The following SUGCT variants were observed in gnomAD, a reference collection of about 807,000 sequenced individuals.
SUGCT encodes the protein succinyl-CoA:glutarate CoA-transferase.
A neutral mutation model predicts 55.0 loss-of-function variants in SUGCT; 41 were observed. The observed-to-expected ratio is 0.74, with a 90% CI of 0.58 to 0.97. The LOEUF is 0.97. SUGCT is among the 50% of genes least tolerant of loss of function. The pLI is 0.00. For missense variants in SUGCT, 568 were observed against 547.8 expected, an observed-to-expected ratio of 1.04 and a Z score of -0.37; for synonymous variants, 187 against 200.4, an observed-to-expected ratio of 0.93 and a Z score of 0.56.
intron 11 of SUGCT, among the ~76,000 whole-genome samples, chr7:40,460,647 T>C (rs1395111802): frequency 6.6e-6 from 1 of 152,176 alleles, no homozygotes; most frequent in Non-Finnish European, 1.5e-5. Flanking sequence ...TAGATTGGTT[T>C]CCTGTGTTTT....
At chr7:40,584,498 G>A (rs1246139894) in intron 12 of SUGCT, among the ~76,000 whole-genome samples, 1 of 152,176 alleles carries the variant, frequency 6.6e-6, no homozygotes, top group Non-Finnish European at 1.5e-5. Flanking sequence ...ACTCCAAGGA[G>A]CAGTGTTTTA....
chr7:40,958,333 C>T, the SUGCT span, among the ~76,000 whole-genome samples: 5 of 152,084 alleles, frequency 3.3e-5, no homozygotes, highest in South Asian at 6.2e-4. Context: ...CACATAGTCC[C>T]GTATTTTTTG....
intron 1 of SUGCT, among the ~76,000 whole-genome samples, chr7:40,146,419 T>G (rs1200581697): frequency 6.6e-6 from 1 of 151,762 alleles, no homozygotes; most frequent in Non-Finnish European, 1.5e-5. Flanking sequence ...AAATATAGAG[T>G]GTGGAGTGGG....
chr7:40,366,575 A>T (rs1478021317), intron 9 of SUGCT, among the ~76,000 whole-genome samples: 5 of 152,178 alleles, frequency 3.3e-5, no homozygotes, highest in African/African-American at 9.7e-5. Flanking sequence ...CAAGAAAAAA[A>T]CAAACAATCC....
intron 9 of SUGCT, among the ~76,000 whole-genome samples, chr7:40,448,944 GTGTGTGTATA>G (rs1789021856): frequency 2.0e-5 from 3 of 148,202 alleles, no homozygotes; most frequent in African/African-American, 5.2e-5. Flanking sequence ...GTGTGTGTGT[GTGTGTGTATA>G]TATATATAGA....
chr7:40,838,631 T>TTTTGTTTG (rs142324369), intron 13 of SUGCT, among the ~76,000 whole-genome samples: 37,905 of 151,770 alleles, frequency 0.25, 5,625 homozygotes, highest in East Asian at 0.79. Flanking sequence ...ACATCTAGCG[T>TTTTGTTTG]TTTGTTTGTT....
chr7:40,368,159 C>T (rs1369808418), intron 9 of SUGCT, among the ~76,000 whole-genome samples: 1 of 152,116 alleles, frequency 6.6e-6, no homozygotes, highest in Non-Finnish European at 1.5e-5. Flanking sequence ...TCAGATCTCA[C>T]ATTATAACAT....
chr7:41,001,414 A>G, the SUGCT span, among the ~76,000 whole-genome samples: 1 of 152,316 alleles, frequency 6.6e-6, no homozygotes, highest in East Asian at 1.9e-4. Flanking sequence ...TCTTGTTGGA[A>G]TGAGTTGTGG....
chr7:40,938,290 G>T, the SUGCT span, among the ~76,000 whole-genome samples: 1 of 151,862 alleles, frequency 6.6e-6, no homozygotes, highest in Non-Finnish European at 1.5e-5. Context: ...TTTATATCAT[G>T]TATCTTTTGG....
chr7:40,691,204 A>G (rs140785022), intron 12 of SUGCT, among the ~76,000 whole-genome samples: 1 of 152,250 alleles, frequency 6.6e-6, no homozygotes, highest in Non-Finnish European at 1.5e-5. Context: ...AGATGCAAGA[A>G]ATGGTTTTTG....
chr7:40,572,869 A>C (rs17171738), intron 12 of SUGCT, among the ~76,000 whole-genome samples: 1 of 152,112 alleles, frequency 6.6e-6, no homozygotes. Flanking sequence ...CCATTGTGGC[A>C]TCAAACTTCT....
At chr7:41,008,326 G>C in the SUGCT span, among the ~76,000 whole-genome samples, 1 of 152,168 alleles carries the variant, frequency 6.6e-6, no homozygotes, top group Non-Finnish European at 1.5e-5. Flanking sequence ...ATCAGCCCTG[G>C]GAGGGCATCT....
intron 6 of SUGCT, among the ~76,000 whole-genome samples, chr7:40,213,312 G>C (rs562458614): frequency 1.2e-4 from 18 of 151,936 alleles, no homozygotes; most frequent in Admixed American, 1.1e-3. Flanking sequence ...TTGTTTTTTT[G>C]ACCTTGACAG....
At chr7:40,931,406 G>A in the SUGCT span, among the ~76,000 whole-genome samples, 12 of 152,204 alleles carry the variant, frequency 7.9e-5, no homozygotes, top group African/African-American at 1.4e-4. Flanking sequence ...ATCTCTGCCC[G>A]GCTTTGGTAT....
intron 6 of SUGCT, among the ~76,000 whole-genome samples, chr7:40,234,527 A>G (rs192097212): frequency 8.5e-5 from 13 of 152,338 alleles, no homozygotes; most frequent in Middle Eastern, 3.4e-3. Context: ...AAGACTGAGA[A>G]AGTAATAGTT....
At chr7:40,302,320 C>T (rs187711464) in intron 8 of SUGCT, among the ~76,000 whole-genome samples, 193 of 152,254 alleles carry the variant, frequency 1.3e-3, no homozygotes, top group African/African-American at 4.3e-3. Flanking sequence ...TGCCCTTGTC[C>T]TCTGCTTTCC....
chr7:40,565,827 A>G (rs1796102073), intron 12 of SUGCT, among the ~76,000 whole-genome samples: 1 of 152,150 alleles, frequency 6.6e-6, no homozygotes, highest in Admixed American at 6.6e-5. Flanking sequence ...TATATGGAAT[A>G]TTCTTTTTAC....
chr7:40,185,002 G>A (rs1368147051), intron 3 of SUGCT, among the ~76,000 whole-genome samples: 1 of 152,130 alleles, frequency 6.6e-6, no homozygotes, highest in Admixed American at 6.6e-5. Flanking sequence ...TGAGCATGGG[G>A]AATATTGTAT....
chr7:40,337,857 A>C (rs1216255243), intron 9 of SUGCT, among the ~76,000 whole-genome samples: 1 of 151,716 alleles, frequency 6.6e-6, no homozygotes, highest in South Asian at 2.1e-4. Flanking sequence ...TGGTCTTTAC[A>C]ATTTGGCATG....
Sources: gnomAD v4.1 joint callset for allele counts (sites outside exome capture counted in the v4.1 genomes callset) on GRCh38, gnomAD v4.1.1 for gene constraint, MANE v1.5 for transcripts, NCBI Gene and HGNC (gene_info 2026-07-23, HGNC 2026-07-21) for gene names.